PPP1R12A: variants seen among roughly 807,000 people sequenced by gnomAD.
PPP1R12A encodes myosin binding subunit.
PPP1R12A carries 19 observed loss-of-function variants against 139.6 expected under a neutral mutation model. The ratio of observed to expected loss-of-function variants is 0.14; its 90% CI spans 0.09 to 0.20. The LOEUF is 0.20. Among genes scored for constraint, PPP1R12A ranks in the 10% least tolerant of loss-of-function variants. The probability of loss-of-function intolerance (pLI) is 1.00; values close to 1 mark genes in which losing one functional copy is unlikely to be tolerated. For missense variants in PPP1R12A, 925 were observed against 1,211.5 expected, an observed-to-expected ratio of 0.76 and a Z score of 3.51; for synonymous variants, 427 against 420.6, an observed-to-expected ratio of 1.02 and a Z score of -0.19.
intron 1 of PPP1R12A, among the ~76,000 whole-genome samples, chr12:79,931,416 G>C (rs1324531442): frequency 2.0e-5 from 3 of 152,056 alleles, no homozygotes. Flanking sequence ...AGAAATGAGG[G>C]AACTGTAAAC....
At chr12:79,921,221 A>G (rs1055289962) in intron 1 of PPP1R12A, among the ~76,000 whole-genome samples, 1 of 152,218 alleles carries the variant, frequency 6.6e-6, no homozygotes, top group African/African-American at 2.4e-5. Flanking sequence ...AGGAGAAAAC[A>G]GAAAAAGACC....
chr12:79,855,678 A>G (rs1402205226), intron 2 of PPP1R12A, among the ~76,000 whole-genome samples: 1 of 152,120 alleles, frequency 6.6e-6, no homozygotes, highest in Non-Finnish European at 1.5e-5. Context: ...ATAGCACTCT[A>G]TAACCAAACA....
intron 3 of PPP1R12A, 28 bp from the exon 4 acceptor site, chr12:79,832,519 T>G: frequency 6.5e-7 from 1 of 1,548,672 alleles, no homozygotes; most frequent in Non-Finnish European, 8.7e-7. Flanking sequence ...GTTCTTTTTA[T>G]TTTTGCTTAA....
At position 79,774,909 on chromosome 12, in the gene PPP1R12A, G is replaced by A. The variant is rs897935039; in HGVS notation, c.*1020C>T. The A allele has an allele frequency of 8.7e-5, 13 of 149,396 alleles. No homozygotes were observed. Among genetic ancestry groups the A allele is most frequent in the African/African-American group, 3.4e-4 (13 of 38,686 alleles). The allele number at this position is 149,396 out of a possible 1,614,324, so 9.3% of individuals were successfully genotyped here. A position where few individuals can be genotyped will look rare whatever the true frequency, so the allele number is the denominator to read the frequency against. ...AAACTGAAAATAAAAGCACTTTACA[G>A]TAGGAAACTTTTGTAAAGATAGGGC... On this transcript the variant is annotated 3_prime_UTR_variant, in exon 25 of 25. Transcript: ENST00000450142.
chr12:79,859,565 T>C (rs1881085723), intron 2 of PPP1R12A, among the ~76,000 whole-genome samples: 1 of 152,048 alleles, frequency 6.6e-6, no homozygotes, highest in Non-Finnish European at 1.5e-5. Flanking sequence ...AATAGCTAAT[T>C]CTTTAATGAT....
intron 2 of PPP1R12A, among the ~76,000 whole-genome samples, chr12:79,867,327 G>T (rs1882081281): frequency 6.6e-6 from 1 of 152,112 alleles, no homozygotes; most frequent in African/African-American, 2.4e-5. Flanking sequence ...GGGGGGTGGG[G>T]GGTCAGGGGA....
At chr12:79,793,248 C>T (rs1405472191) in intron 19 of PPP1R12A, among the ~76,000 whole-genome samples, 1 of 152,132 alleles carries the variant, frequency 6.6e-6, no homozygotes, top group East Asian at 1.9e-4. Flanking sequence ...GAACTTTCAA[C>T]CCTTGCTGGC....
chr12:79,807,862 C>A (rs1874040219), intron 11 of PPP1R12A, among the ~76,000 whole-genome samples: 4 of 151,720 alleles, frequency 2.6e-5, no homozygotes, highest in African/African-American at 9.7e-5. Flanking sequence ...GATGGTGAAA[C>A]CCTGTCTCTA....
intron 14 of PPP1R12A, among the ~76,000 whole-genome samples, chr12:79,801,344 TCAAAAAAAAAAAAA>T (rs1287292123): frequency 5.5e-5 from 1 of 18,086 alleles, no homozygotes; most frequent in African/African-American, 1.6e-4. Context: ...AAACTCTGTC[TCAAAAAAAAAAAAA>T]AAAAAAAAAA....
chr12:79,775,676 T>G lies in PPP1R12A; in HGVS notation c.*253A>C, dbSNP rs1171409899. ...AGTTTTCTCAGTCATTAAAAAAAAA[T>G]CTTCTCAGCAGCTGCATTAACATGA... On this transcript the variant is annotated 3_prime_UTR_variant, in exon 25 of 25. Transcript: ENST00000450142. 3.9e-6 allele frequency: 1 copy of G among 259,614 alleles called. No homozygotes were observed. The highest frequency in any genetic ancestry group is 7.2e-6 in the Non-Finnish European group (1 of 139,076). 16.1% of individuals were successfully genotyped at this position (259,614 alleles called of 1,614,324 possible). A position where few individuals can be genotyped will look rare whatever the true frequency, so the allele number is the denominator to read the frequency against.
At position 79,773,931 on chromosome 12, in the gene PPP1R12A, A is replaced by G. The variant is rs1239701877; in HGVS notation, c.*1998T>C. ...GAAACAAGGTCTGCTCAATACTACC[A>G]ATAAAATCAATATAGCACAGTAGCT... On this transcript the variant is annotated 3_prime_UTR_variant, in exon 25 of 25. Coordinates refer to ENST00000450142, the MANE Select transcript of PPP1R12A (RefSeq NM_002480.3). The G allele has an allele frequency of 6.6e-6, 1 of 152,220 alleles. No homozygotes were observed. Among genetic ancestry groups the G allele is most frequent in the Non-Finnish European group, 1.5e-5 (1 of 68,026 alleles). The allele number at this position is 152,220 out of a possible 1,614,324, so 9.4% of individuals were successfully genotyped here.
intron 3 of PPP1R12A, among the ~76,000 whole-genome samples, chr12:79,832,753 G>T (rs371702843): frequency 2.2e-4 from 33 of 149,886 alleles, no homozygotes; most frequent in African/African-American, 8.0e-4. Context: ...TATTCTTCTT[G>T]TTTTTTAAAA....
chr12:79,779,457 AT>A, intron 23 of PPP1R12A: 1 of 844,096 alleles, frequency 1.2e-6, no homozygotes, highest in South Asian at 1.4e-5. Context: ...CAAGCAGTAC[AT>A]TTACTGTAAA....
At chr12:79,846,920 C>A (rs1879484002) in intron 2 of PPP1R12A, among the ~76,000 whole-genome samples, 1 of 151,922 alleles carries the variant, frequency 6.6e-6, no homozygotes, top group Non-Finnish European at 1.5e-5. Context: ...ATTTGGGTAT[C>A]CCTGGTTTTA....
intron 1 of PPP1R12A, among the ~76,000 whole-genome samples, chr12:79,915,147 C>T (rs1406198558): frequency 1.3e-5 from 2 of 151,978 alleles, no homozygotes; most frequent in East Asian, 1.9e-4. Context: ...TTTCAAGGGG[C>T]TCATAAGAAA....
intron 5 of PPP1R12A, among the ~76,000 whole-genome samples, chr12:79,827,047 G>A (rs1045553024): frequency 2.0e-5 from 3 of 152,174 alleles, no homozygotes; most frequent in Admixed American, 2.0e-4. Flanking sequence ...GAAAAGAGAG[G>A]TAACACGACT....
chr12:79,928,028 G>A (rs1237149551), intron 1 of PPP1R12A, among the ~76,000 whole-genome samples: 2 of 152,112 alleles, frequency 1.3e-5, no homozygotes, highest in African/African-American at 2.4e-5. Context: ...ACAAAACAAC[G>A]TTTTATGCCT....
chr12:79,824,553 A>G (rs1431172611), intron 5 of PPP1R12A, among the ~76,000 whole-genome samples: 1 of 152,202 alleles, frequency 6.6e-6, no homozygotes, highest in Non-Finnish European at 1.5e-5. Flanking sequence ...GCTGATACAC[A>G]ATCAAATTAG....
chr12:79,904,441 C>T (rs1307217955), intron 1 of PPP1R12A, among the ~76,000 whole-genome samples: 1 of 152,058 alleles, frequency 6.6e-6, no homozygotes, highest in Non-Finnish European at 1.5e-5. Context: ...GGAGTGGTTA[C>T]TCAAATATTA....
Sources: allele counts gnomAD v4.1 joint callset (sites outside exome capture counted in the v4.1 genomes callset), GRCh38; gene constraint gnomAD v4.1.1; transcripts MANE v1.5; gene names NCBI Gene and HGNC (gene_info 2026-07-23, HGNC 2026-07-21).